The following PSG11 variants were observed in gnomAD, a reference collection of about 807,000 sequenced individuals.
PSG11 encodes the protein pregnancy-specific beta-1-glycoprotein 11.
Under a neutral mutation model 36.0 loss-of-function variants are expected in PSG11, and 42 were observed. The observed-to-expected ratio is 1.17, with a 90% CI of 0.91 to 1.51. PSG11 has a LOEUF of 1.51. PSG11 is among the 40% of genes most tolerant of loss of function. The pLI, the probability that PSG11 is intolerant of heterozygous loss-of-function variation, is 0.00. For synonymous variants in PSG11, 206 were observed against 153.5 expected, an observed-to-expected ratio of 1.34 and a Z score of -2.53; for missense variants, 558 against 403.5, an observed-to-expected ratio of 1.38 and a Z score of -3.28.
Position 43,018,504 on chromosome 19 carries a change from T to A in PSG11, c.709+266A>T. 3.8e-6 allele frequency: 3 copies of A among 793,276 alleles called. No homozygotes were observed. In the East Asian group the frequency reaches 9.0e-5, roughly 24 times the overall value. The allele number at this position is 793,276 out of a possible 1,614,324, so 49.1% of individuals were successfully genotyped here. On this transcript the variant is annotated intron_variant, in intron 3 of 5. Coordinates refer to ENST00000320078, the MANE Select transcript of PSG11 (RefSeq NM_002785.3). ...CCAGCCAAATCCTCGCTGTGTTCAC[T>A]GATCTGGAGCCTGAGACATTCACCT...
intron 3 of PSG11, chr19:43,017,687 C>T (rs1176218264): frequency 6.6e-6 from 1 of 151,350 alleles, no homozygotes; most frequent in Non-Finnish European, 1.5e-5. Context: ...GAATCTGCAA[C>T]TCACTTTGGG....
intron 4 of PSG11, 38 bp downstream of exon 4, chr19:43,015,078 C>T (rs200880681): frequency 3.7e-6 from 6 of 1,610,832 alleles, no homozygotes; most frequent in Non-Finnish European, 5.1e-6. Flanking sequence ...TAGACTCCAC[C>T]TAAAACCCTA....
intron 1 of PSG11, among the ~76,000 whole-genome samples, chr19:43,025,646 G>A (rs2906092): frequency 0.47 from 68,685 of 145,732 alleles, 17,474 homozygotes; most frequent in East Asian, 0.99. Context: ...GGCCGTCCAC[G>A]CCCTGGGTGT....
Position 43,011,536 on chromosome 19 carries a change from A to G in PSG11, c.965-1495T>C, listed in dbSNP as rs1403505332. On this transcript the variant is annotated intron_variant, in intron 4 of 5. Transcript: ENST00000320078. ...CAAAATAAAATCAACAAAATTGACA[A>G]CCATTAACTAGATTGACTAAGAAAA... Among the ~76,000 whole-genome samples, 14 of 151,302 alleles carry G rather than the reference A, an allele frequency of 9.3e-5. 2 individuals are homozygous for G. Among genetic ancestry groups the G allele is most frequent in the South Asian group, 2.1e-4 (1 of 4,768 alleles).
intron 2 of PSG11, among the ~76,000 whole-genome samples, chr19:43,021,983 C>A (rs1253831406): frequency 6.6e-6 from 1 of 151,384 alleles, no homozygotes. Flanking sequence ...CATTCCTGCA[C>A]ATAGACAAGG....
chr19:43,019,439 A>G (rs1034302714), intron 2 of PSG11: 8 of 220,208 alleles, frequency 3.6e-5, no homozygotes, highest in South Asian at 2.8e-4. Context: ...TTTTCCCCCC[A>G]AGGTATGTTT....
rs371452968 is a variant in PSG11 at position 43,010,418 on chromosome 19, T to C, written c.965-377A>G. The stretch of plus-strand genomic sequence containing the variant: ...TGAATGAGACTCTGTCAGATCTCCA[T>C]GGCAGGGACCTGATTGACAGAAGGC... On this transcript the variant is annotated intron_variant, in intron 4 of 5. Coordinates refer to ENST00000320078, the MANE Select transcript of PSG11 (RefSeq NM_002785.3). The C allele has an allele frequency of 3.8e-5, 58 of 1,528,994 alleles. 2 individuals are homozygous for C. In the East Asian group the frequency reaches 1.1e-3, roughly 28 times the overall value. The allele number at this position is 1,528,994 out of a possible 1,614,324, so 94.7% of individuals were successfully genotyped here. A position where few individuals can be genotyped will look rare whatever the true frequency, so the allele number is the denominator to read the frequency against.
intron 3 of PSG11, among the ~76,000 whole-genome samples, 171 bp from the exon 4 acceptor site, chr19:43,015,541 C>T (rs1386698705): frequency 1.3e-5 from 2 of 151,370 alleles, no homozygotes; most frequent in Non-Finnish European, 2.9e-5. Flanking sequence ...GTTTCTCCCA[C>T]CACAAGCTGT....
intron 3 of PSG11, 119 bp from the exon 4 acceptor site, chr19:43,015,489 C>G: frequency 7.2e-7 from 1 of 1,385,596 alleles, no homozygotes; most frequent in South Asian, 1.4e-5. Context: ...CCCAGCCAAA[C>G]CCCCTCTATG....
intron 4 of PSG11, among the ~76,000 whole-genome samples, chr19:43,011,845 C>T (rs1974084336): frequency 6.7e-6 from 1 of 149,926 alleles, no homozygotes; most frequent in Non-Finnish European, 1.5e-5. Context: ...GAGCCATAAT[C>T]ACACCACTGT....
In PSG11 at chr19:43,015,357, G is replaced by A. The variant is rs763472920; in HGVS notation, c.723C>T (p.Leu241=). Residue 241 remains leucine (L), a synonymous_variant, in exon 4 of 6, where the codon CTC becomes CTT. Coordinates refer to ENST00000320078, the MANE Select transcript of PSG11 (RefSeq NM_002785.3). ...AGGTGACTGAAGGGAAAATTCTGGG[G>A]AGGTCTGGACCATCTGGAGGAAAGA... ...VTLNLLHGPD[L]PRIFPSVTSY... The A allele has an allele frequency of 6.2e-7, 1 of 1,610,670 alleles. No individual in the cohort carries two copies. The highest frequency in any genetic ancestry group is 1.1e-5 in the South Asian group (1 of 90,670).
rs368831344 is a variant in PSG11, at chr19:43,018,153, C to G, written c.709+617G>C. Among the ~76,000 whole-genome samples the G allele has an allele frequency of 1.2e-3, 177 of 151,288 alleles. 5 individuals are homozygous for G. Among genetic ancestry groups the G allele is most frequent in the East Asian group, 4.3e-3 (22 of 5,152 alleles). On this transcript the variant is annotated intron_variant, in intron 3 of 5. Coordinates refer to ENST00000320078, the MANE Select transcript of PSG11 (RefSeq NM_002785.3). Reference sequence around the variant, plus strand: ...CCTCTTGATTATGAGATTTGTTCCACCAGTGGCTGAGTTATGGATGAAACA... The same window carrying G: ...CCTCTTGATTATGAGATTTGTTCCAGCAGTGGCTGAGTTATGGATGAAACA...
Position 43,007,724 on chromosome 19 carries a change from G to A in PSG11, c.*359C>T, listed in dbSNP as rs534398715. ...TCATGAATAGATTCCCAATTCTGGG[G>A]CACTCAGAGAGCAAAAGCAAATGTT... On this transcript the variant is annotated 3_prime_UTR_variant, in exon 6 of 6. Transcript: ENST00000320078. 9 of 196,962 alleles carry A rather than the reference G, an allele frequency of 4.6e-5. No homozygotes were observed. The highest frequency in any genetic ancestry group is 3.1e-4 in the Admixed American group (5 of 16,350). The allele number at this position is 196,962 out of a possible 1,614,324, so 12.2% of individuals were successfully genotyped here.
Position 43,025,975 on chromosome 19 carries a change from A to G in PSG11, c.64+334T>C, listed in dbSNP as rs1158255017. On this transcript the variant is annotated intron_variant, in intron 1 of 5. Coordinates refer to ENST00000320078, the MANE Select transcript of PSG11 (RefSeq NM_002785.3). ...TTTTTTTTTTGAGATGGAGTCTCGTACTGTCACCCAGCCTGGCGTGCAGTG... is the reference window on the plus strand; with the variant it reads ...TTTTTTTTTTGAGATGGAGTCTCGTGCTGTCACCCAGCCTGGCGTGCAGTG... Among the ~76,000 whole-genome samples the G allele has an allele frequency of 3.9e-5, 4 of 103,004 alleles. 1 individual carries two copies. The highest frequency in any genetic ancestry group is 1.6e-4 in the African/African-American group (4 of 24,696). The allele number at this position is 103,004 out of a possible 152,430, so 67.6% of individuals were successfully genotyped here.
chr19:43,015,232 C>T lies in PSG11; in HGVS notation c.848G>A (p.Gly283Glu), dbSNP rs749120603. The T allele has an allele frequency of 2.5e-6, 4 of 1,611,606 alleles. No individual in the cohort carries two copies. The highest frequency in any genetic ancestry group is 3.4e-6 in the Non-Finnish European group (4 of 1,178,630). The change falls in exon 4 of 6, where the codon GGA becomes GAA. Residue 283 changes from glycine (G) to glutamate (E), a missense_variant. Physicochemically the swap from Gly to Glu is moderately conservative, Grantham distance 98. Coordinates refer to ENST00000320078, the MANE Select transcript of PSG11 (RefSeq NM_002785.3). Reference protein sequence around the residue: ...WTINGKFQLSGQKLFIPQITP... With the variant: ...WTINGKFQLSEQKLFIPQITP... ...AATCTGAGGGATAAAGAGCTTTTGT[C>T]CTGATAGCTGAAACTTCCCATTAAT...
At chr19:43,015,083 A>G (rs777935810) in intron 4 of PSG11, 33 bp downstream of exon 4, 1 of 1,610,890 alleles carries the variant, frequency 6.2e-7, no homozygotes, top group South Asian at 1.1e-5. Context: ...TCCACCTAAA[A>G]CCCTATTGCC....
chr19:43,019,325 C>G, intron 2 of PSG11: 1 of 608,428 alleles, frequency 1.6e-6, no homozygotes, highest in South Asian at 3.1e-5. Context: ...GTCATAGCCC[C>G]TGGTGCCTCT....
In PSG11 at chr19:43,010,890, CATATATAT is replaced by C. The variant is rs10566441; in HGVS notation, c.965-857_965-850del. 6.4e-5 allele frequency among the ~76,000 whole-genome samples: 9 copies of C among 140,440 alleles called. No homozygotes were observed. In the East Asian group the frequency reaches 2.0e-3, roughly 30 times the overall value. 92.1% of individuals were successfully genotyped at this position (140,440 alleles called of 152,430 possible). A position where few individuals can be genotyped will look rare whatever the true frequency, so the allele number is the denominator to read the frequency against. ...GTGTTTTATGTGTTACCTCTTTTTC[CATATATAT>C]ATATATATATATATATGGAAAAAGG... On this transcript the variant is annotated intron_variant, in intron 4 of 5. Coordinates refer to ENST00000320078, the MANE Select transcript of PSG11 (RefSeq NM_002785.3).
chr19:43,010,487 A>C, intron 4 of PSG11: 2 of 1,043,078 alleles, frequency 1.9e-6, no homozygotes, highest in Non-Finnish European at 2.8e-6. Context: ...TTGCACAGAA[A>C]GCTTCTTTCC....
Sources: allele counts gnomAD v4.1 joint callset (sites outside exome capture counted in the v4.1 genomes callset), GRCh38; gene constraint gnomAD v4.1.1; transcripts MANE v1.5; gene names NCBI Gene and HGNC (gene_info 2026-07-23, HGNC 2026-07-21).